Variants in SSBP2 observed in about 807,000 individuals in gnomAD.
SSBP2 encodes the protein single-stranded DNA-binding protein 2.
SSBP2 carries 17 observed loss-of-function variants against 61.8 expected under a neutral mutation model. That is an observed-to-expected ratio of 0.28 (90% CI 0.19 to 0.41). The LOEUF (loss-of-function observed/expected upper bound fraction) is 0.41. Ranked by LOEUF, SSBP2 falls within the 10% of genes least tolerant of loss-of-function variation. The pLI is 1.00. For synonymous variants in SSBP2, 139 were observed against 141.3 expected (o/e 0.98, Z 0.12); for missense variants, 310 against 458.7 (o/e 0.68, Z 2.96).
At chr5:81,700,917 A>G (rs562167091) in intron 1 of SSBP2, among the ~76,000 whole-genome samples, 1 of 152,296 alleles carries the variant, frequency 6.6e-6, no homozygotes, top group South Asian at 2.1e-4. Context: ...AAACCACTCA[A>G]ACTTTCTCCG....
chr5:81,454,428 C>T (rs945614186), intron 10 of SSBP2, among the ~76,000 whole-genome samples: 1 of 152,168 alleles, frequency 6.6e-6, no homozygotes, highest in African/African-American at 2.4e-5. Context: ...CACCTGTAAT[C>T]CCAGCAGTTT....
chr5:81,489,853 T>C (rs1267337410), intron 5 of SSBP2, among the ~76,000 whole-genome samples: 2 of 152,102 alleles, frequency 1.3e-5, no homozygotes, highest in Non-Finnish European at 1.5e-5. Flanking sequence ...ATGGGTTTCT[T>C]ATAGTTCAAA....
intron 4 of SSBP2, among the ~76,000 whole-genome samples, chr5:81,554,181 T>C (rs1772419135): frequency 2.0e-5 from 3 of 152,106 alleles, no homozygotes; most frequent in Admixed American, 2.0e-4. Context: ...GACACATCTA[T>C]GGCCAGTGAT....
chr5:81,580,765 T>G (rs866004998), intron 4 of SSBP2, among the ~76,000 whole-genome samples: 13 of 113,234 alleles, frequency 1.1e-4, no homozygotes, highest in African/African-American at 4.2e-4. Flanking sequence ...AAAAAAAAAA[T>G]GATTTGCTAA....
At chr5:81,645,702 A>T (rs183288724) in intron 2 of SSBP2, among the ~76,000 whole-genome samples, 3 of 152,334 alleles carry the variant, frequency 2.0e-5, no homozygotes, top group Admixed American at 1.3e-4. Context: ...TCTGTTTGTA[A>T]TTATTAAATG....
intron 4 of SSBP2, among the ~76,000 whole-genome samples, chr5:81,588,354 C>T (rs960243781): frequency 1.3e-5 from 2 of 151,926 alleles, no homozygotes; most frequent in African/African-American, 4.8e-5. Context: ...ATTTTCCTAC[C>T]TAGGATACAA....
In SSBP2 at chr5:81,418,880, T is replaced by C. The variant is rs1761439239; in HGVS notation, c.*1624A>G. On this transcript the variant is annotated 3_prime_UTR_variant, in exon 17 of 17. Transcript: ENST00000320672. Reference sequence around the variant, plus strand: ...TGCCAAATTTTCACTTTAGAGACTATAAGCCTAAAGGAAAGAGAAGATTCC... The same window carrying C: ...TGCCAAATTTTCACTTTAGAGACTACAAGCCTAAAGGAAAGAGAAGATTCC... 6.6e-6 allele frequency: 1 copy of C among 152,208 alleles called. No individual in the cohort carries two copies. The highest frequency in any genetic ancestry group is 2.4e-5 in the African/African-American group (1 of 41,460). 9.4% of individuals were successfully genotyped at this position (152,208 alleles called of 1,614,324 possible).
chr5:81,751,263 G>T, upstream of SSBP2: 1 of 581,274 alleles, frequency 1.7e-6, no homozygotes, highest in East Asian at 2.9e-5. Context: ...CTCAGCGGCA[G>T]TCTCCTCCCT....
chr5:81,664,466 T>C (rs867111365), intron 1 of SSBP2, among the ~76,000 whole-genome samples: 24 of 152,168 alleles, frequency 1.6e-4, no homozygotes, highest in Non-Finnish European at 2.8e-4. Context: ...GCTCCTAAAA[T>C]AGTAGGTAAC....
chr5:81,439,861 C>T (rs1314022221), intron 14 of SSBP2, among the ~76,000 whole-genome samples: 1 of 151,648 alleles, frequency 6.6e-6, no homozygotes, highest in South Asian at 2.1e-4. Flanking sequence ...TTAGTAGAGA[C>T]GGGGTTTCAC....
intron 1 of SSBP2, among the ~76,000 whole-genome samples, chr5:81,679,632 AC>A (rs1181070219): frequency 6.6e-6 from 1 of 152,218 alleles, no homozygotes; most frequent in South Asian, 2.1e-4. Flanking sequence ...GGAATCATAT[AC>A]AATGCTCAAC....
intron 4 of SSBP2, among the ~76,000 whole-genome samples, chr5:81,567,437 C>T (rs1342351218): frequency 6.6e-6 from 1 of 152,230 alleles, no homozygotes; most frequent in Non-Finnish European, 1.5e-5. Context: ...TTGGGAACCT[C>T]TGCCTAGATT....
chr5:81,607,761 G>C (rs997221117), intron 4 of SSBP2, among the ~76,000 whole-genome samples: 2 of 152,076 alleles, frequency 1.3e-5, no homozygotes, highest in Non-Finnish European at 2.9e-5. Context: ...CATTGACATA[G>C]TTTGAGTCTC....
intron 1 of SSBP2, among the ~76,000 whole-genome samples, chr5:81,658,973 T>C (rs1327904074): frequency 2.0e-5 from 3 of 152,198 alleles, no homozygotes; most frequent in African/African-American, 7.2e-5. Context: ...CAACATCTCA[T>C]GTTAAAAACT....
chr5:81,674,895 C>G (rs1427252617), intron 1 of SSBP2, among the ~76,000 whole-genome samples: 3 of 152,070 alleles, frequency 2.0e-5, no homozygotes, highest in African/African-American at 7.2e-5. Flanking sequence ...TTAGTAAAGG[C>G]CTACTTTTCT....
intron 4 of SSBP2, among the ~76,000 whole-genome samples, chr5:81,591,364 G>A (rs1775486164): frequency 6.6e-6 from 1 of 152,244 alleles, no homozygotes; most frequent in South Asian, 2.1e-4. Context: ...CTGCTATATA[G>A]ATGTTAATCT....
chr5:81,720,494 T>C (rs406283), intron 1 of SSBP2, among the ~76,000 whole-genome samples: 53,461 of 152,098 alleles, frequency 0.35, 11,570 homozygotes, highest in Admixed American at 0.48. Flanking sequence ...AAACAGCATA[T>C]AGGCTAAGCT....
chr5:81,638,268 A>C (rs1339405288), intron 2 of SSBP2, among the ~76,000 whole-genome samples: 1 of 152,036 alleles, frequency 6.6e-6, no homozygotes, highest in African/African-American at 2.4e-5. Flanking sequence ...ATAAATTTGA[A>C]AAAAAAGGAT....
intron 15 of SSBP2, among the ~76,000 whole-genome samples, chr5:81,431,277 A>G (rs1762266657): frequency 1.3e-5 from 2 of 152,220 alleles, no homozygotes; most frequent in Admixed American, 1.3e-4. Context: ...CATTAGGCCC[A>G]TCGGTTACAG....
Sources: allele counts gnomAD v4.1 joint callset (sites outside exome capture counted in the v4.1 genomes callset), GRCh38; gene constraint gnomAD v4.1.1; transcripts MANE v1.5; gene names NCBI Gene and HGNC (gene_info 2026-07-23, HGNC 2026-07-21).